The following FGF17 variants were observed in gnomAD, a reference collection of about 807,000 sequenced individuals.
The protein encoded by FGF17 is fibroblast growth factor 17.
FGF17 carries 5 observed loss-of-function variants against 23.5 expected under a neutral mutation model. That is an observed-to-expected ratio of 0.21 (90% CI 0.11 to 0.45). The LOEUF is 0.45. Ranked by LOEUF, FGF17 falls within the 20% of genes least tolerant of loss-of-function variation. The pLI is 0.99. For synonymous variants in FGF17, 136 were observed against 123.0 expected (o/e 1.11, Z -0.70); for missense variants, 221 against 306.9 (o/e 0.72, Z 2.09).
chr8:22,040,898 T>C (rs985646620), upstream of FGF17, among the ~76,000 whole-genome samples: 9 of 151,828 alleles, frequency 5.9e-5, no homozygotes, highest in Non-Finnish European at 1.3e-4. Context: ...AGAGGCAGAG[T>C]GTAACCCAGA....
Position 22,048,490 on chromosome 8 carries a change from C to G in FGF17, c.*241C>G, listed in dbSNP as rs1337918796. The G allele has an allele frequency of 1.9e-6, 1 of 535,600 alleles. No individual in the cohort carries two copies. The highest frequency in any genetic ancestry group is 3.1e-5 in the East Asian group (1 of 32,354). The allele number at this position is 535,600 out of a possible 1,614,324, so 33.2% of individuals were successfully genotyped here. ...GAGAGGAACTGAGTGTCACCCTGAT[C>G]TCAGGCCACCAGCCTCTGCCGGCCT... On this transcript the variant is annotated 3_prime_UTR_variant, in exon 5 of 5. Coordinates refer to ENST00000359441, the MANE Select transcript of FGF17 (RefSeq NM_003867.4). This position sits in a 1 kb window ranked among gnomAD's most constrained non-coding sequence, Gnocchi z 6.9.
upstream of FGF17, among the ~76,000 whole-genome samples, chr8:22,041,655 A>G (rs1800740005): frequency 6.6e-6 from 1 of 152,186 alleles, no homozygotes; most frequent in African/African-American, 2.4e-5. Context: ...CTGTATCCCT[A>G]CAATGAAGCA....
In FGF17 at chr8:22,048,231, GC is replaced by G; in HGVS notation, c.637del (p.Gln213SerfsTer24). On this transcript the variant is annotated frameshift_variant, in exon 5 of 5. Transcript: ENST00000359441. LOFTEE classifies it high-confidence loss of function. This position sits in a 1 kb window ranked among gnomAD's most constrained non-coding sequence, Gnocchi z 6.9. ...PTRRTKRTRR[P>X]QPLT ...CCCGCCGGACCAAGCGCACACGGCG[GC>G]CCCAGCCCCTCACGTAGTCTGGGAG... 6.2e-7 allele frequency: 1 copy of G among 1,606,112 alleles called. No homozygotes were observed.
intron 1 of FGF17, 30 bp downstream of exon 1, chr8:22,042,993 T>A: frequency 6.2e-7 from 1 of 1,611,618 alleles, no homozygotes; most frequent in Non-Finnish European, 8.5e-7. Flanking sequence ...CACTGGAGTT[T>A]CGTTGCCATT....
chr8:22,048,255 G>A lies in FGF17; in HGVS notation c.*6G>A. ...GGCCCCAGCCCCTCACGTAGTCTGG[G>A]AGGCAGGGGGCAGCAGCCCCTGGGC... On this transcript the variant is annotated 3_prime_UTR_variant, in exon 5 of 5. Transcript: ENST00000359441. This position sits in a 1 kb window ranked among gnomAD's most constrained non-coding sequence, Gnocchi z 6.9. 6.3e-7 allele frequency: 1 copy of A among 1,591,522 alleles called. No individual in the cohort carries two copies. Among genetic ancestry groups the A allele is most frequent in the Admixed American group, 1.7e-5 (1 of 57,362 alleles).
At chr8:22,043,115 C>T (rs972196797) in intron 1 of FGF17, 30 bp from the exon 2 acceptor site, 5 of 1,613,188 alleles carry the variant, frequency 3.1e-6, no homozygotes, top group Middle Eastern at 1.7e-4. Context: ...CTGGCACCCA[C>T]ACCTGGGCTT....
chr8:22,043,785 C>T (rs1800789871), intron 2 of FGF17, among the ~76,000 whole-genome samples: 1 of 151,146 alleles, frequency 6.6e-6, no homozygotes, highest in Non-Finnish European at 1.5e-5. Context: ...ACCTCCCACC[C>T]CCAAGTCTCA....
chr8:22,041,833 T>C (rs1241356114), upstream of FGF17, among the ~76,000 whole-genome samples: 2 of 152,208 alleles, frequency 1.3e-5, no homozygotes, highest in Non-Finnish European at 2.9e-5. Flanking sequence ...GCTGGCATTG[T>C]ACCGAGCAGT....
intron 2 of FGF17, among the ~76,000 whole-genome samples, chr8:22,043,837 T>TA (rs1377550979): frequency 6.8e-6 from 1 of 147,324 alleles, no homozygotes; most frequent in Non-Finnish European, 1.5e-5. Context: ...TGATCCTCCA[T>TA]AAAAGTGCAG....
chr8:22,044,757 A>G, intron 2 of FGF17: 1 of 985,446 alleles, frequency 1.0e-6, no homozygotes, highest in South Asian at 4.7e-5. Context: ...GCAACGGTGC[A>G]CAGTAAGTGT....
At chr8:22,043,323 G>T in intron 2 of FGF17, 142 bp downstream of exon 2, 1 of 834,152 alleles carries the variant, frequency 1.2e-6, no homozygotes, top group Middle Eastern at 2.2e-4. Context: ...GGTTTGGAGG[G>T]GAGTGAGCCT....
chr8:22,042,803 C>T (rs1348926952), upstream of FGF17: 17 of 879,396 alleles, frequency 1.9e-5, no homozygotes, highest in South Asian at 3.0e-5. Context: ...CTCTCCTCCT[C>T]GCCCCCCTGA....
At chr8:22,047,316 T>A (rs1800920594) in intron 4 of FGF17, among the ~76,000 whole-genome samples, 1 of 152,174 alleles carries the variant, frequency 6.6e-6, no homozygotes, top group South Asian at 2.1e-4. Context: ...GTGGGGCCAG[T>A]GGGCTCCAGC....
chr8:22,047,795 CCTCT>C (rs1198176525), intron 4 of FGF17, among the ~76,000 whole-genome samples, 157 bp from the exon 5 acceptor site: 1 of 152,248 alleles, frequency 6.6e-6, no homozygotes, highest in Non-Finnish European at 1.5e-5. Context: ...GCCACTGTTG[CCTCT>C]CTAAATAGGA....
chr8:22,041,351 C>A (rs1051574668), upstream of FGF17, among the ~76,000 whole-genome samples: 1 of 152,122 alleles, frequency 6.6e-6, no homozygotes, highest in African/African-American at 2.4e-5. Context: ...TGAGAAGGGA[C>A]CCACAGGTGA....
At chr8:22,046,476 T>A (rs528017799) in intron 3 of FGF17, 51 bp from the exon 4 acceptor site, 3 of 1,520,344 alleles carry the variant, frequency 2.0e-6, no homozygotes, top group African/African-American at 2.7e-5. Flanking sequence ...GCTGTAGCCA[T>A]AGGCCGGCAG....
chr8:22,046,059 G>A, intron 2 of FGF17, 55 bp from the exon 3 acceptor site: 2 of 1,613,788 alleles, frequency 1.2e-6, no homozygotes, highest in South Asian at 1.1e-5. Flanking sequence ...GGATGGACCA[G>A]TGGTGGTGTC....
intron 2 of FGF17, chr8:22,044,977 A>C: frequency 2.0e-6 from 2 of 985,828 alleles, no homozygotes; most frequent in South Asian, 4.7e-5. Flanking sequence ...CTGTCCCAGC[A>C]CAGGCAGCGG....
upstream of FGF17, among the ~76,000 whole-genome samples, chr8:22,040,567 G>C (rs1485375503): frequency 6.6e-6 from 1 of 152,254 alleles, no homozygotes; most frequent in Non-Finnish European, 1.5e-5. Context: ...TTGACTGCTG[G>C]CATCTGTTAC....
Sources: allele counts gnomAD v4.1 joint callset (sites outside exome capture counted in the v4.1 genomes callset), GRCh38; gene constraint gnomAD v4.1.1; non-coding constraint Gnocchi (gnomAD v3.1); transcripts MANE v1.5; gene names NCBI Gene and HGNC (gene_info 2026-07-23, HGNC 2026-07-21).